Variants in WFDC9 observed in about 807,000 individuals in gnomAD.
WFDC9 encodes WAP four-disulfide core domain 9, also known as protein WFDC9.
A neutral mutation model predicts 9.5 loss-of-function variants in WFDC9; 9 were observed. The ratio of observed to expected loss-of-function variants is 0.95; its 90% CI spans 0.57 to 1.65. The LOEUF (loss-of-function observed/expected upper bound fraction) is 1.65. Ranked by LOEUF, WFDC9 falls within the 40% of genes most tolerant of loss-of-function variation. WFDC9 has a pLI of 0.00. For missense variants in WFDC9, 87 were observed against 106.7 expected (o/e 0.82, Z 0.81); for synonymous variants, 33 against 32.3 (o/e 1.02, Z -0.07).
chr20:45,611,024 A>G (rs1415496690), intron 2 of WFDC9, among the ~76,000 whole-genome samples: 1 of 152,242 alleles, frequency 6.6e-6, no homozygotes, highest in African/African-American at 2.4e-5. Flanking sequence ...AGCGGCCTGT[A>G]GTAGCAGAGA....
chr20:45,627,831 T>C (rs1443470258), intron 1 of WFDC9, among the ~76,000 whole-genome samples: 3 of 152,384 alleles, frequency 2.0e-5, no homozygotes, highest in Admixed American at 6.5e-5. Flanking sequence ...AGTCTGAAAC[T>C]ATGTCCTTTG....
At chr20:45,622,245 ATTC>A (rs1194498891) in intron 1 of WFDC9, among the ~76,000 whole-genome samples, 3 of 152,228 alleles carry the variant, frequency 2.0e-5, no homozygotes, top group East Asian at 3.9e-4. Flanking sequence ...CAGTCTGATT[ATTC>A]TTCTTCTTTG....
rs1276552356 is a variant in WFDC9, at chr20:45,629,981, A to G, written c.-153+1222T>C. 1.9e-6 allele frequency: 3 copies of G among 1,559,178 alleles called. No individual in the cohort carries two copies. In the East Asian group the frequency reaches 7.0e-5, roughly 37 times the overall value. ...AGGGCCTGTGTCCAGTCTGAGTAGG[A>G]CCTAGGAGTTGGAAACTCTCTGCAT... On this transcript the variant is annotated intron_variant, in intron 1 of 4. Transcript: ENST00000326000.
At chr20:45,619,814 C>G (rs1473153033) in intron 1 of WFDC9, among the ~76,000 whole-genome samples, 9 of 152,114 alleles carry the variant, frequency 5.9e-5, no homozygotes, top group African/African-American at 2.2e-4. Flanking sequence ...TACCAGAGGT[C>G]AGGAGTTTGA....
At chr20:45,630,634 G>A (rs998222987) in intron 1 of WFDC9, among the ~76,000 whole-genome samples, 7 of 152,092 alleles carry the variant, frequency 4.6e-5, no homozygotes, top group Non-Finnish European at 1.0e-4. Flanking sequence ...TGTGGAGAAG[G>A]TCCAGGAAGC....
At chr20:45,612,042 A>G (rs962295413) in intron 2 of WFDC9, among the ~76,000 whole-genome samples, 3 of 152,128 alleles carry the variant, frequency 2.0e-5, no homozygotes, top group Non-Finnish European at 4.4e-5. Flanking sequence ...CATATTACAG[A>G]AAAAAATATC....
intron 1 of WFDC9, among the ~76,000 whole-genome samples, chr20:45,619,817 G>A (rs569951015): frequency 6.6e-6 from 1 of 152,300 alleles, no homozygotes; most frequent in African/African-American, 2.4e-5. Context: ...CAGAGGTCAG[G>A]AGTTTGAGAA....
At position 45,618,310 on chromosome 20, in the gene WFDC9, C is replaced by A. The variant is rs1275335860; in HGVS notation, c.-152-3589G>T. ...CTTCTGTCTAGATCACTAAAACCTTCTCCATATCAGCAATAGAGCTGTTTT... is the reference window on the plus strand; with the variant it reads ...CTTCTGTCTAGATCACTAAAACCTTATCCATATCAGCAATAGAGCTGTTTT... On this transcript the variant is annotated intron_variant, in intron 1 of 4. Coordinates refer to ENST00000326000, the MANE Select transcript of WFDC9 (RefSeq NM_147198.4). Among the ~76,000 whole-genome samples the A allele has an allele frequency of 2.6e-5, 4 of 152,204 alleles. No homozygotes were observed. The East Asian group carries it at 7.7e-4, about 29-fold the overall frequency.
intron 1 of WFDC9, among the ~76,000 whole-genome samples, chr20:45,624,725 A>C (rs993636683): frequency 6.6e-6 from 1 of 152,158 alleles, no homozygotes; most frequent in Non-Finnish European, 1.5e-5. Flanking sequence ...GGTCAACAGC[A>C]CTTGTTATTT....
chr20:45,630,860 T>TCCTTGTCAGAAACACAGCTATCC (rs1982346654), intron 1 of WFDC9: 2 of 1,590,878 alleles, frequency 1.3e-6, no homozygotes, highest in Admixed American at 3.6e-5. Context: ...CGTTCTATTC[T>TCCTTGTCAGAAACACAGCTATCC]CCTTGTCAGA....
At chr20:45,612,738 A>G (rs972588363) in intron 2 of WFDC9, among the ~76,000 whole-genome samples, 2 of 152,216 alleles carry the variant, frequency 1.3e-5, no homozygotes, top group Non-Finnish European at 2.9e-5. Flanking sequence ...CTACTTTTTA[A>G]CATTATTTTC....
chr20:45,627,836 C>T (rs539030563), intron 1 of WFDC9, among the ~76,000 whole-genome samples: 2 of 152,160 alleles, frequency 1.3e-5, no homozygotes, highest in South Asian at 4.2e-4. Flanking sequence ...GAAACTATGT[C>T]CTTTGTGATG....
chr20:45,610,322 C>G lies in WFDC9; in HGVS notation c.-58-83G>C, dbSNP rs1445524811. The stretch of plus-strand genomic sequence containing the variant: ...TTATGACTATCATGTTATTCTTTCC[C>G]TTTCTAGTACCCAGTAGCATACCAA... On this transcript the variant is annotated intron_variant, in intron 2 of 4. Coordinates refer to ENST00000326000, the MANE Select transcript of WFDC9 (RefSeq NM_147198.4). 106 of 673,558 alleles carry G rather than the reference C, an allele frequency of 1.6e-4. No individual in the cohort carries two copies. The East Asian group carries it at 3.0e-3, about 19-fold the overall frequency. The allele number at this position is 673,558 out of a possible 1,614,324, so 41.7% of individuals were successfully genotyped here.
At chr20:45,628,260 AAAG>A in intron 1 of WFDC9, among the ~76,000 whole-genome samples, 1 of 152,216 alleles carries the variant, frequency 6.6e-6, no homozygotes, top group Non-Finnish European at 1.5e-5. Flanking sequence ...TCATGTGATA[AAAG>A]AAGTCAAGGA....
chr20:45,624,818 G>T (rs969812040), intron 1 of WFDC9, among the ~76,000 whole-genome samples: 1 of 152,194 alleles, frequency 6.6e-6, no homozygotes, highest in Non-Finnish European at 1.5e-5. Context: ...TTTCCCCGAT[G>T]ATTAGTGATG....
At chr20:45,611,996 C>A (rs1193513038) in intron 2 of WFDC9, among the ~76,000 whole-genome samples, 1 of 152,126 alleles carries the variant, frequency 6.6e-6, no homozygotes, top group African/African-American at 2.4e-5. Flanking sequence ...GAGCCTGGGC[C>A]AGCCACATAA....
intron 1 of WFDC9, among the ~76,000 whole-genome samples, chr20:45,628,862 A>G (rs1310142714): frequency 3.3e-5 from 5 of 152,184 alleles, no homozygotes; most frequent in Non-Finnish European, 5.9e-5. Context: ...TTGCATGCCT[A>G]CTGGGAGTCC....
intron 1 of WFDC9, among the ~76,000 whole-genome samples, chr20:45,616,724 C>T (rs1488495403): frequency 6.6e-6 from 1 of 152,186 alleles, no homozygotes; most frequent in Non-Finnish European, 1.5e-5. Context: ...ACATTGATCT[C>T]TTCATATAGC....
intron 2 of WFDC9, among the ~76,000 whole-genome samples, chr20:45,613,395 A>T (rs1981903023): frequency 6.6e-6 from 1 of 152,176 alleles, no homozygotes; most frequent in African/African-American, 2.4e-5. Context: ...AAGCTGCCAA[A>T]TTTTTCAGAG....
Sources: allele counts gnomAD v4.1 joint callset (sites outside exome capture counted in the v4.1 genomes callset), GRCh38; gene constraint gnomAD v4.1.1; transcripts MANE v1.5; gene names NCBI Gene and HGNC (gene_info 2026-07-23, HGNC 2026-07-21).